Variants in AKNA observed in about 807,000 individuals in gnomAD.
AKNA encodes the protein microtubule organization protein AKNA.
A neutral mutation model predicts 138.8 loss-of-function variants in AKNA; 67 were observed. That is an observed-to-expected ratio of 0.48 (90% CI 0.40 to 0.59). The LOEUF is 0.59. Among genes scored for constraint, AKNA ranks in the 20% least tolerant of loss-of-function variants. AKNA has a pLI of 0.00. For synonymous variants in AKNA, 737 were observed against 754.4 expected, an observed-to-expected ratio of 0.98 and a Z score of 0.38; for missense variants, 1,813 against 1,880.4, an observed-to-expected ratio of 0.96 and a Z score of 0.66.
At chr9:114,391,900 A>C (rs1834358684), upstream of AKNA, among the ~76,000 whole-genome samples, 1 of 150,938 alleles carries the variant, frequency 6.6e-6, no homozygotes, top group Admixed American at 6.6e-5. Flanking sequence ...CAACAAAAAA[A>C]ACCTCTTACT....
downstream of AKNA, chr9:114,331,664 G>C (rs1244678663): frequency 6.2e-7 from 1 of 1,613,548 alleles, no homozygotes; most frequent in East Asian, 2.2e-5. Context: ...ACTGGGGGCT[G>C]TCTTTCTATG....
intron 1 of AKNA, among the ~76,000 whole-genome samples, chr9:114,393,011 G>A (rs1370752735): frequency 6.6e-6 from 1 of 152,126 alleles, no homozygotes; most frequent in Non-Finnish European, 1.5e-5. Context: ...AACCGTGCAC[G>A]TGCCAGGAAG....
intron 1 of AKNA, among the ~76,000 whole-genome samples, chr9:114,383,471 C>T (rs1372232066): frequency 1.3e-5 from 2 of 152,184 alleles, no homozygotes; most frequent in Non-Finnish European, 2.9e-5. Flanking sequence ...ATCAGTGCAG[C>T]GGCCCCCAGA....
downstream of AKNA, among the ~76,000 whole-genome samples, chr9:114,332,264 A>G (rs1829866355): frequency 6.6e-6 from 1 of 151,872 alleles, no homozygotes; most frequent in South Asian, 2.1e-4. Context: ...CCAGGCTTTC[A>G]CCCCACCTCC....
At chr9:114,345,816 G>A (rs201953779) in intron 18 of AKNA, 47 bp downstream of exon 18, 58 of 1,586,738 alleles carry the variant, frequency 3.7e-5, no homozygotes, top group Non-Finnish European at 4.1e-5. Context: ...AGGAGCCCCC[G>A]CTGACACCAG....
intron 12 of AKNA, 32 bp downstream of exon 12, chr9:114,357,889 T>C (rs760360059): frequency 1.3e-6 from 2 of 1,591,978 alleles, no homozygotes; most frequent in Admixed American, 1.9e-5. Context: ...GACCCTGAGG[T>C]TCTGGGCCCA....
At chr9:114,396,929 T>G (rs1834552417), upstream of AKNA, 1 of 152,224 alleles carries the variant, frequency 6.6e-6, no homozygotes, top group African/African-American at 2.4e-5. Flanking sequence ...GAAACTGAAG[T>G]GTCCATGTTG....
At chr9:114,373,682 C>G (rs1468898912) in intron 4 of AKNA, among the ~76,000 whole-genome samples, 1 of 150,842 alleles carries the variant, frequency 6.6e-6, no homozygotes, top group Non-Finnish European at 1.5e-5. Context: ...AGTTCAAGAC[C>G]AGCTTGGGCA....
Position 114,368,444 on chromosome 9 carries a change from G to A in AKNA, c.1568C>T (p.Ala523Val). Reference sequence around the variant, plus strand: ...AGCTCTTCTCCCGGACTCACCTGAGGCCGCAGAGGCCTGGGGGTCCTCGGC... The same window carrying A: ...AGCTCTTCTCCCGGACTCACCTGAGACCGCAGAGGCCTGGGGGTCCTCGGC... ...GPAEDPQASA[A>V]SGWPSARGDL... The change falls in exon 5 of 22, where the codon GCC (alanine) becomes GTC (valine). Residue 523 changes from alanine (A) to valine (V), a missense_variant. Physicochemically the swap from Ala to Val is moderately conservative, Grantham distance 64. Coordinates refer to ENST00000374088, the MANE Select transcript of AKNA (RefSeq NM_001317950.2). 7.6e-7 allele frequency: 1 copy of A among 1,319,594 alleles called. No individual in the cohort carries two copies. The highest frequency in any genetic ancestry group is 9.8e-7 in the Non-Finnish European group (1 of 1,025,390). The allele number at this position is 1,319,594 out of a possible 1,614,324, so 81.7% of individuals were successfully genotyped here.
chr9:114,357,582 A>G (rs969460102), intron 12 of AKNA, among the ~76,000 whole-genome samples: 1 of 152,170 alleles, frequency 6.6e-6, no homozygotes, highest in Non-Finnish European at 1.5e-5. Flanking sequence ...TTATTCTATG[A>G]CAGTCACATT....
chr9:114,372,263 C>A (rs55819665), intron 4 of AKNA, among the ~76,000 whole-genome samples: 1,873 of 152,138 alleles, frequency 0.012, 28 homozygotes, highest in African/African-American at 0.043. Context: ...CCATTTCTGG[C>A]CTCTCCTGTG....
intron 3 of AKNA, chr9:114,375,953 C>T: frequency 2.2e-6 from 1 of 455,030 alleles, no homozygotes; most frequent in Non-Finnish European, 4.4e-6. Context: ...GGCCTCCCTA[C>T]CGCAGCCAGC....
At chr9:114,375,424 T>C (rs1046212181) in intron 3 of AKNA, among the ~76,000 whole-genome samples, 1 of 152,130 alleles carries the variant, frequency 6.6e-6, no homozygotes, top group Non-Finnish European at 1.5e-5. Context: ...CCAAATGCAA[T>C]ATACAAGCCA....
chr9:114,371,080 C>T (rs997720629), intron 4 of AKNA, among the ~76,000 whole-genome samples: 4 of 152,204 alleles, frequency 2.6e-5, no homozygotes, highest in South Asian at 4.1e-4. Flanking sequence ...TGGCCAGAGG[C>T]CAGTGTAGAG....
chr9:114,330,587 C>G (rs1564607330), downstream of AKNA: 2 of 1,612,530 alleles, frequency 1.2e-6, no homozygotes, highest in Non-Finnish European at 8.5e-7. Flanking sequence ...GTGAGAGCCC[C>G]CATTCCAATG....
intron 4 of AKNA, among the ~76,000 whole-genome samples, chr9:114,373,394 A>C (rs1832939712): frequency 6.6e-6 from 1 of 152,166 alleles, no homozygotes; most frequent in South Asian, 2.1e-4. Context: ...GAGAAAGGCA[A>C]AGGTGTGATC....
At position 114,349,952 on chromosome 9, in the gene AKNA, G is replaced by A. The variant is rs535758500; in HGVS notation, c.3221+907C>T. 1.1e-4 allele frequency among the ~76,000 whole-genome samples: 17 copies of A among 152,266 alleles called. No homozygotes were observed. The East Asian group carries it at 1.2e-3, about 10-fold the overall frequency. ...GAAGCCCTCCCTGAAGCCTCTAACC[G>A]GACCAGATGCTCCTTCGCTGTGCTC... On this transcript the variant is annotated intron_variant, in intron 15 of 21. Transcript: ENST00000374088.
Position 114,350,866 on chromosome 9 carries a change from C to A in AKNA, c.3214G>T (p.Gly1072Trp). ...TIPSFLLTRAGRDQAICELQE... is the reference protein window; with the variant it reads ...TIPSFLLTRAWRDQAICELQE... Reference sequence around the variant, plus strand: ...TCCAAGTGTCTAACTTACTCTCGCCCTGCCCTGGTGAGCAGGAAGCTGGGG... The same window carrying A: ...TCCAAGTGTCTAACTTACTCTCGCCATGCCCTGGTGAGCAGGAAGCTGGGG... The change falls in exon 15 of 22, where the codon GGG becomes TGG. Residue 1072 changes from glycine to tryptophan, a missense_variant. Coordinates refer to ENST00000374088, the MANE Select transcript of AKNA (RefSeq NM_001317950.2). The A allele has an allele frequency of 6.4e-7, 1 of 1,565,638 alleles. No homozygotes were observed. The highest frequency in any genetic ancestry group is 1.2e-5 in the South Asian group (1 of 83,710).
intron 2 of AKNA, 162 bp from the exon 3 acceptor site, chr9:114,377,694 C>G: frequency 1.4e-6 from 1 of 733,446 alleles, no homozygotes; most frequent in East Asian, 2.8e-5. Context: ...TGTCTGATAC[C>G]TGATCTGATT....
Sources: allele counts gnomAD v4.1 joint callset (sites outside exome capture counted in the v4.1 genomes callset), GRCh38; gene constraint gnomAD v4.1.1; transcripts MANE v1.5; gene names NCBI Gene and HGNC (gene_info 2026-07-23, HGNC 2026-07-21).